The following HECTD4 variants were observed in gnomAD, a reference collection of about 807,000 sequenced individuals.
HECTD4 encodes probable E3 ubiquitin-protein ligase HECTD4.
Under a neutral mutation model 471.5 loss-of-function variants are expected in HECTD4, and 114 were observed. That is an observed-to-expected ratio of 0.24 (90% CI 0.21 to 0.28). The LOEUF (loss-of-function observed/expected upper bound fraction) is 0.28, where lower values mean the gene tolerates loss of function less well. HECTD4 is among the 10% of genes least tolerant of loss of function. HECTD4 has a pLI of 1.00. For missense variants in HECTD4, 3,866 were observed against 5,651.5 expected (o/e 0.68, Z 10.13); for synonymous variants, 2,012 against 2,256.0 (o/e 0.89, Z 3.07).
chr12:112,246,595 A>G (rs538889384), intron 29 of HECTD4, among the ~76,000 whole-genome samples: 1 of 152,336 alleles, frequency 6.6e-6, no homozygotes, highest in Admixed American at 6.5e-5. Flanking sequence ...AGATTGCGCC[A>G]CTGCACTCTA....
At chr12:112,371,886 CAA>C (rs535844706) in intron 1 of HECTD4, among the ~76,000 whole-genome samples, 16 of 57,238 alleles carry the variant, frequency 2.8e-4, no homozygotes, top group African/African-American at 8.0e-4. Flanking sequence ...AACTCTGTCT[CAA>C]AAAAAAAAAA....
At position 112,273,891 on chromosome 12, in the gene HECTD4, G is replaced by C; in HGVS notation, c.1802-96C>G. 3 of 1,418,112 alleles carry C rather than the reference G, an allele frequency of 2.1e-6. No individual in the cohort carries two copies. In the South Asian group the frequency reaches 4.0e-5, roughly 19 times the overall value. The allele number at this position is 1,418,112 out of a possible 1,614,324, so 87.8% of individuals were successfully genotyped here. A position where few individuals can be genotyped will look rare whatever the true frequency, so the allele number is the denominator to read the frequency against. On this transcript the variant is annotated intron_variant, in intron 10 of 75. Coordinates refer to ENST00000682272, the MANE Select transcript of HECTD4 (RefSeq NM_001388303.1). ...TGCTACAAAGTGGAAGGGCAAGGAT[G>C]CTCTCTAATGTTGACAACCCACAAC...
Position 112,190,978 on chromosome 12 carries a change from C to G in HECTD4, c.9293-13G>C. ...GGTGGAGACACCCCTGCAAGAAGCA[C>G]CCAGGAAGAAAGCAGATGATTGGCA... is the stretch of plus-strand genomic sequence containing the variant. On this transcript the variant is annotated splice_polypyrimidine_tract_variant and intron_variant, in intron 59 of 75. Coordinates refer to ENST00000682272, the MANE Select transcript of HECTD4 (RefSeq NM_001388303.1). 1 of 1,542,472 alleles carries G rather than the reference C, an allele frequency of 6.5e-7. No homozygotes were observed. Among genetic ancestry groups the G allele is most frequent in the Non-Finnish European group, 8.8e-7 (1 of 1,141,956 alleles).
At chr12:112,361,290 C>CT (rs796185627) in intron 1 of HECTD4, among the ~76,000 whole-genome samples, 5 of 151,774 alleles carry the variant, frequency 3.3e-5, no homozygotes, top group African/African-American at 1.2e-4. Flanking sequence ...CTTATTTACC[C>CT]TTTTTTTTCA....
chr12:112,377,323 A>G (rs1163036242), intron 1 of HECTD4, among the ~76,000 whole-genome samples: 7 of 152,016 alleles, frequency 4.6e-5, no homozygotes, highest in Non-Finnish European at 1.0e-4. Context: ...AATGCTCTCC[A>G]TCTCTTTACT....
Position 112,192,680 on chromosome 12 carries a change from T to C in HECTD4, c.9172A>G (p.Ile3058Val). 6.2e-7 allele frequency: 1 copy of C among 1,604,120 alleles called. No homozygotes were observed. Residue 3058 changes from isoleucine (I) to valine (V), a missense_variant, in exon 59 of 76, where the codon ATC becomes GTC. Physicochemically the swap from Ile to Val is conservative, Grantham distance 29 (BLOSUM62 3). Coordinates refer to ENST00000682272, the MANE Select transcript of HECTD4 (RefSeq NM_001388303.1). Reference protein sequence around the residue: ...KVKRNGQLNLIEAACYPRDAS... With the variant: ...KVKRNGQLNLVEAACYPRDAS... ...TCCCGCGGGTAACAGGCGGCCTCGA[T>C]GAGGTTCAGCTGGCCATTTCGCTTC... is the stretch of plus-strand genomic sequence containing the variant.
intron 1 of HECTD4, among the ~76,000 whole-genome samples, chr12:112,373,119 A>G (rs1425261597): frequency 6.6e-6 from 1 of 152,222 alleles, no homozygotes; most frequent in Non-Finnish European, 1.5e-5. Context: ...ATAACATAAT[A>G]GTTCAAGAAT....
At position 112,162,281 on chromosome 12, in the gene HECTD4, T is replaced by A. The variant is rs2030717957; in HGVS notation, c.*106A>T. ...ACGAAAGTTTGGAAAAGCAAAATGTTGCCAACTCCTCACGCAGGGCCCTGG... is the reference window on the plus strand; with the variant it reads ...ACGAAAGTTTGGAAAAGCAAAATGTAGCCAACTCCTCACGCAGGGCCCTGG... On this transcript the variant is annotated 3_prime_UTR_variant, in exon 76 of 76. Transcript: ENST00000682272. This position sits in a 1 kb window ranked among gnomAD's most constrained non-coding sequence, Gnocchi z 5.2. 1 of 1,355,964 alleles carries A rather than the reference T, an allele frequency of 7.4e-7. No homozygotes were observed. Among genetic ancestry groups the A allele is most frequent in the Non-Finnish European group, 1.0e-6 (1 of 976,060 alleles). 84.0% of individuals were successfully genotyped at this position (1,355,964 alleles called of 1,614,324 possible).
At chr12:112,283,417 G>C (rs1267733348) in intron 7 of HECTD4, 115 bp from the exon 8 acceptor site, 1 of 738,044 alleles carries the variant, frequency 1.4e-6, no homozygotes, top group Admixed American at 2.9e-5. Context: ...CTGCTCCTGA[G>C]TAGATGTATA....
intron 38 of HECTD4, among the ~76,000 whole-genome samples, chr12:112,232,317 A>G (rs2135568083): frequency 1.3e-5 from 2 of 152,218 alleles, no homozygotes; most frequent in Admixed American, 1.3e-4. Context: ...TTTTTAGTAG[A>G]CAGGATTTTG....
intron 43 of HECTD4, 131 bp from the exon 44 acceptor site, chr12:112,226,889 G>T: frequency 3.5e-6 from 2 of 569,614 alleles, no homozygotes; most frequent in East Asian, 2.9e-5. Flanking sequence ...CACTCATCTT[G>T]CTTTTTTTTT....
chr12:112,342,461 A>AAAAC (rs944738037), intron 1 of HECTD4, among the ~76,000 whole-genome samples: 2 of 152,200 alleles, frequency 1.3e-5, no homozygotes, highest in African/African-American at 2.4e-5. Context: ...TGTCTATTTA[A>AAAAC]AAACAAACAA....
chr12:112,320,882 C>G (rs933355404), intron 1 of HECTD4, among the ~76,000 whole-genome samples: 2 of 150,558 alleles, frequency 1.3e-5, no homozygotes, highest in African/African-American at 2.4e-5. Context: ...GAGTCTTGCT[C>G]TCTTGCCCAG....
At chr12:112,348,305 C>A (rs947556499) in intron 1 of HECTD4, among the ~76,000 whole-genome samples, 1 of 152,046 alleles carries the variant, frequency 6.6e-6, no homozygotes, top group African/African-American at 2.4e-5. Context: ...AGGTGAGAAA[C>A]CTATCAATTT....
chr12:112,250,161 T>C lies in HECTD4; in HGVS notation c.3933A>G (p.Gln1311=), dbSNP rs774151263. Residue 1311 remains glutamine, a synonymous_variant, in exon 25 of 76, where the codon CAA becomes CAG. Transcript: ENST00000682272. ...LREISGRARP[Q]FRPSIKEVIQ... Reference sequence around the variant, plus strand: ...CAACATACTTTATACTTGGTCTAAATTGAGGTCTAGCACGCCCAGAAATTT... The same window carrying C: ...CAACATACTTTATACTTGGTCTAAACTGAGGTCTAGCACGCCCAGAAATTT... 7.4e-6 allele frequency: 12 copies of C among 1,613,140 alleles called. No homozygotes were observed. The highest frequency in any genetic ancestry group is 4.0e-5 in the African/African-American group (3 of 74,926).
chr12:112,248,236 AG>A lies in HECTD4; in HGVS notation c.4144-66del, dbSNP rs569627697. The A allele has an allele frequency of 2.1e-3, 3,154 of 1,521,986 alleles. 6 individuals are homozygous for A. The highest frequency in any genetic ancestry group is 2.7e-3 in the Non-Finnish European group (3,008 of 1,118,832). The allele number at this position is 1,521,986 out of a possible 1,614,324, so 94.3% of individuals were successfully genotyped here. ...TATGATTCAAAATTTTAGTCACAATAGTAATTTTAAAAATTAGATCACATTC... is the reference window on the plus strand; with the variant it reads ...TATGATTCAAAATTTTAGTCACAATATAATTTTAAAAATTAGATCACATTC... On this transcript the variant is annotated intron_variant, in intron 26 of 75. Coordinates refer to ENST00000682272, the MANE Select transcript of HECTD4 (RefSeq NM_001388303.1).
At chr12:112,290,887 T>G (rs1176150727) in intron 7 of HECTD4, among the ~76,000 whole-genome samples, 1 of 142,920 alleles carries the variant, frequency 7.0e-6, no homozygotes, top group Non-Finnish European at 1.5e-5. Flanking sequence ...AAATCACAGA[T>G]AGTTTTGGAT....
At chr12:112,172,111 C>G (rs2031245024) in intron 67 of HECTD4, among the ~76,000 whole-genome samples, 2 of 152,304 alleles carry the variant, frequency 1.3e-5, no homozygotes, top group Non-Finnish European at 2.9e-5. Flanking sequence ...CCATGTTGGT[C>G]AGGCTAGTCT....
At chr12:112,261,155 T>A (rs2034137582) in intron 18 of HECTD4, 150 bp downstream of exon 18, 2 of 744,036 alleles carry the variant, frequency 2.7e-6, no homozygotes, top group Non-Finnish European at 3.9e-6. Context: ...TGACTGCACT[T>A]GGCTTTCAAA....
Sources: gnomAD v4.1 joint callset for allele counts (sites outside exome capture counted in the v4.1 genomes callset) on GRCh38, gnomAD v4.1.1 for gene constraint, Gnocchi (gnomAD v3.1) non-coding constraint, MANE v1.5 for transcripts, NCBI Gene and HGNC (gene_info 2026-07-23, HGNC 2026-07-21) for gene names.